Variants in PRDM5 observed in about 807,000 individuals in gnomAD.
PRDM5 encodes the protein PR/SET domain 5, also known as PR domain zinc finger protein 5.
Under a neutral mutation model 81.2 loss-of-function variants are expected in PRDM5, and 56 were observed. The observed-to-expected ratio is 0.69, with a 90% CI of 0.56 to 0.86. PRDM5 has a LOEUF of 0.86. Among genes scored for constraint, PRDM5 ranks in the 40% least tolerant of loss-of-function variants. The probability of loss-of-function intolerance (pLI) is 0.00; values close to 1 mark genes in which losing one functional copy is unlikely to be tolerated. For missense variants in PRDM5, 697 were observed against 770.1 expected (o/e 0.91, Z 1.12); for synonymous variants, 267 against 256.4 (o/e 1.04, Z -0.39).
chr4:120,880,516 A>T (rs1762743318), intron 2 of PRDM5, among the ~76,000 whole-genome samples: 1 of 152,212 alleles, frequency 6.6e-6, no homozygotes, highest in Non-Finnish European at 1.5e-5. Flanking sequence ...CAATATTATC[A>T]ATTCAACCAT....
At chr4:120,759,417 G>A (rs544981985) in intron 13 of PRDM5, among the ~76,000 whole-genome samples, 12 of 152,148 alleles carry the variant, frequency 7.9e-5, no homozygotes, top group African/African-American at 2.4e-4. Flanking sequence ...TTTGGACTCC[G>A]AGGACAAAGC....
At chr4:120,813,657 C>T (rs941570109) in intron 7 of PRDM5, among the ~76,000 whole-genome samples, 45 of 152,222 alleles carry the variant, frequency 3.0e-4, no homozygotes, top group Admixed American at 5.2e-4. Context: ...GAAAATTCTC[C>T]CAGGCAAAAT....
chr4:120,922,452 C>T lies in PRDM5; in HGVS notation c.93+64G>A, dbSNP rs1237473720. The T allele has an allele frequency of 1.4e-5, 19 of 1,317,528 alleles. No homozygotes were observed. The African/African-American group carries it at 1.8e-4, about 13-fold the overall frequency. The allele number at this position is 1,317,528 out of a possible 1,614,324, so 81.6% of individuals were successfully genotyped here. A position where few individuals can be genotyped will look rare whatever the true frequency, so the allele number is the denominator to read the frequency against. On this transcript the variant is annotated intron_variant, in intron 1 of 15. Transcript: ENST00000264808. ...CCGCGCCCCGGGCCCTGCGGCAGGG[C>T]GACTCCGGGAGGCACAGGGCGCGCG...
intron 10 of PRDM5, among the ~76,000 whole-genome samples, chr4:120,788,595 C>G (rs920091136): frequency 1.3e-5 from 2 of 152,202 alleles, no homozygotes; most frequent in African/African-American, 4.8e-5. Flanking sequence ...ATACTATATT[C>G]CTCCCTAATT....
chr4:120,815,354 T>C (rs907495637), intron 7 of PRDM5, among the ~76,000 whole-genome samples: 2 of 152,160 alleles, frequency 1.3e-5, no homozygotes, highest in Non-Finnish European at 2.9e-5. Flanking sequence ...CAGAACACTG[T>C]AAAAGCCTAG....
intron 3 of PRDM5, among the ~76,000 whole-genome samples, chr4:120,843,374 G>A (rs1363283625): frequency 1.3e-5 from 2 of 151,660 alleles, no homozygotes; most frequent in Non-Finnish European, 2.9e-5. Context: ...TAATGCCAAT[G>A]TCCTGCACAA....
intron 13 of PRDM5, among the ~76,000 whole-genome samples, chr4:120,756,648 G>T (rs1744784589): frequency 6.6e-6 from 1 of 152,184 alleles, no homozygotes; most frequent in Admixed American, 6.5e-5. Context: ...AAACATAGCA[G>T]AATGTGACTG....
At chr4:120,882,182 G>A (rs1439219735) in intron 2 of PRDM5, among the ~76,000 whole-genome samples, 1 of 152,132 alleles carries the variant, frequency 6.6e-6, no homozygotes, top group Admixed American at 6.5e-5. Context: ...TGTCCAGCAA[G>A]CCACTGAGAC....
intron 13 of PRDM5, among the ~76,000 whole-genome samples, chr4:120,762,075 A>AT (rs1158375476): frequency 1.3e-5 from 2 of 152,138 alleles, no homozygotes; most frequent in Non-Finnish European, 2.9e-5. Context: ...TAAAAAGACC[A>AT]TTTTCAATAA....
At chr4:120,907,620 G>A (rs956389622) in intron 1 of PRDM5, 63 bp from the exon 2 acceptor site, 25 of 1,320,086 alleles carry the variant, frequency 1.9e-5, no homozygotes, top group African/African-American at 5.8e-5. Flanking sequence ...TAAAATAAAC[G>A]ACTTTTTTCT....
chr4:120,685,311 T>A (rs1176268296), intron 1 of PRDM5, among the ~76,000 whole-genome samples: 1 of 152,104 alleles, frequency 6.6e-6, no homozygotes, highest in Admixed American at 6.6e-5. Flanking sequence ...CTGGATATAG[T>A]TCAAACATAA....
chr4:120,871,775 A>G (rs1561555620), intron 2 of PRDM5, among the ~76,000 whole-genome samples: 1 of 152,098 alleles, frequency 6.6e-6, no homozygotes. Context: ...TCAAAAAAAA[A>G]AAAAAGAAAG....
At chr4:120,835,776 G>A (rs542761039) in intron 3 of PRDM5, among the ~76,000 whole-genome samples, 10 of 152,022 alleles carry the variant, frequency 6.6e-5, no homozygotes, top group South Asian at 2.1e-4. Context: ...AAAGGAACTC[G>A]CACATTTAAT....
chr4:120,873,284 G>A (rs1363349325), intron 2 of PRDM5, among the ~76,000 whole-genome samples: 2 of 152,084 alleles, frequency 1.3e-5, no homozygotes, highest in East Asian at 1.9e-4. Flanking sequence ...CATTACAGGC[G>A]TGAGCCACCA....
chr4:120,731,809 A>G (rs980569384), intron 14 of PRDM5: 1 of 152,220 alleles, frequency 6.6e-6, no homozygotes, highest in Non-Finnish European at 1.5e-5. Flanking sequence ...TGGAAGCCAC[A>G]TGCCTGGATG....
chr4:120,756,610 T>C (rs1156713249), intron 13 of PRDM5, among the ~76,000 whole-genome samples: 5 of 152,202 alleles, frequency 3.3e-5, no homozygotes, highest in Admixed American at 2.0e-4. Flanking sequence ...CATTTAACCT[T>C]GAACCACAAA....
At chr4:120,898,342 G>T (rs1462687136) in intron 2 of PRDM5, among the ~76,000 whole-genome samples, 2 of 152,070 alleles carry the variant, frequency 1.3e-5, no homozygotes, top group African/African-American at 4.8e-5. Context: ...TCATAATTCT[G>T]CAAATGTCTT....
chr4:120,918,873 C>CA (rs1178963102), intron 1 of PRDM5, among the ~76,000 whole-genome samples: 3 of 152,050 alleles, frequency 2.0e-5, no homozygotes, highest in East Asian at 3.9e-4. Flanking sequence ...GTTAACTCAG[C>CA]AAAAAATTAC....
At chr4:120,756,262 G>A (rs1173059364) in intron 13 of PRDM5, among the ~76,000 whole-genome samples, 4 of 152,070 alleles carry the variant, frequency 2.6e-5, no homozygotes, top group African/African-American at 9.7e-5. Flanking sequence ...CCTCCTTTGG[G>A]TATCTCACAA....
Sources: gnomAD v4.1 joint callset for allele counts (sites outside exome capture counted in the v4.1 genomes callset) on GRCh38, gnomAD v4.1.1 for gene constraint, MANE v1.5 for transcripts, NCBI Gene and HGNC (gene_info 2026-07-23, HGNC 2026-07-21) for gene names.